INPP4B: variants seen among roughly 807,000 people sequenced by gnomAD.
INPP4B encodes inositol polyphosphate-4-phosphatase type II B.
A neutral mutation model predicts 122.5 loss-of-function variants in INPP4B; 55 were observed. That is an observed-to-expected ratio of 0.45 (90% CI 0.36 to 0.56). The LOEUF (loss-of-function observed/expected upper bound fraction) is 0.56, where lower values mean the gene tolerates loss of function less well. INPP4B is among the 20% of genes least tolerant of loss of function. The probability of loss-of-function intolerance (pLI) is 0.00; values close to 1 mark genes in which losing one functional copy is unlikely to be tolerated. For missense variants in INPP4B, 1,000 were observed against 1,097.7 expected (o/e 0.91, Z 1.26); for synonymous variants, 403 against 388.7 (o/e 1.04, Z -0.43).
chr4:142,607,719 GC>G (rs766634400), intron 2 of INPP4B, among the ~76,000 whole-genome samples: 1 of 151,978 alleles, frequency 6.6e-6, no homozygotes, highest in Non-Finnish European at 1.5e-5. Flanking sequence ...GTTTTACAGG[GC>G]AATTATAGAG....
chr4:142,644,287 G>A (rs1260078896), intron 2 of INPP4B, among the ~76,000 whole-genome samples: 1 of 150,424 alleles, frequency 6.6e-6, no homozygotes, highest in Admixed American at 6.7e-5. Flanking sequence ...TGGGGGAGGA[G>A]GAGAAGGAAG....
intron 18 of INPP4B, among the ~76,000 whole-genome samples, chr4:142,137,710 C>T (rs1264319086): frequency 1.4e-5 from 2 of 147,596 alleles, no homozygotes; most frequent in Non-Finnish European, 3.0e-5. Context: ...ACAACCCCAT[C>T]AAAAAGTGGG....
In INPP4B at chr4:142,071,828, A is replaced by C. The variant is rs189269471; in HGVS notation, c.2642+10203T>G. On this transcript the variant is annotated intron_variant, in intron 25 of 25. Transcript: ENST00000262992. The stretch of plus-strand genomic sequence containing the variant: ...GTTACAATGGCAATCATTAAAAAGT[A>C]AGGAAACAACAGTTGCTGGAGGGAA... Among the ~76,000 whole-genome samples, 153 of 152,230 alleles carry C rather than the reference A, an allele frequency of 1.0e-3. 1 individual carries two copies. The highest frequency in any genetic ancestry group is 3.5e-3 in the African/African-American group (146 of 41,564).
intron 2 of INPP4B, among the ~76,000 whole-genome samples, chr4:142,635,810 AT>A (rs1749025267): frequency 6.6e-6 from 1 of 152,120 alleles, no homozygotes; most frequent in Non-Finnish European, 1.5e-5. Context: ...CCCCCATGAC[AT>A]GACTTTACCT....
At chr4:142,792,617 G>C (rs1386428827) in intron 1 of INPP4B, among the ~76,000 whole-genome samples, 2 of 151,922 alleles carry the variant, frequency 1.3e-5, no homozygotes, top group African/African-American at 4.8e-5. Context: ...CATGTACTCA[G>C]AAAAAGTGAC....
At chr4:142,782,228 C>T (rs56261522) in intron 1 of INPP4B, among the ~76,000 whole-genome samples, 12,153 of 151,334 alleles carry the variant, frequency 0.08, 551 homozygotes, top group Middle Eastern at 0.13. Flanking sequence ...TGAGAACATG[C>T]GGTGTTTGGT....
At chr4:142,799,558 C>A (rs1411812026) in intron 1 of INPP4B, among the ~76,000 whole-genome samples, 1 of 151,660 alleles carries the variant, frequency 6.6e-6, no homozygotes, top group Admixed American at 6.6e-5. Context: ...TTAAGTAAAT[C>A]TTGAAGGATT....
At chr4:142,796,123 G>A (rs543482653) in intron 1 of INPP4B, among the ~76,000 whole-genome samples, 10 of 152,044 alleles carry the variant, frequency 6.6e-5, no homozygotes, top group Middle Eastern at 3.4e-3. Flanking sequence ...GATAATCATC[G>A]TTCTACATGC....
intron 1 of INPP4B, among the ~76,000 whole-genome samples, chr4:142,765,064 GC>G (rs531173340): frequency 4.7e-4 from 71 of 152,246 alleles, no homozygotes; most frequent in Non-Finnish European, 8.7e-4. Context: ...AGGAGATTAA[GC>G]CACAGTGAGG....
chr4:142,545,684 C>CACACATATATATGTGTATATATAT (rs1553955835), intron 2 of INPP4B, among the ~76,000 whole-genome samples: 7,097 of 143,134 alleles, frequency 0.05, 838 homozygotes, highest in African/African-American at 0.18. Context: ...AGATTTAATA[C>CACACATATATATGTGTATATATAT]ACACATATAT....
intron 2 of INPP4B, among the ~76,000 whole-genome samples, chr4:142,531,118 T>C (rs772537281): frequency 1.3e-5 from 2 of 151,972 alleles, no homozygotes; most frequent in Non-Finnish European, 2.9e-5. Context: ...ACTAGAGCTT[T>C]AAGGTAGGGG....
chr4:142,068,125 C>T lies in INPP4B; in HGVS notation c.2642+13906G>A, dbSNP rs867574847. Among the ~76,000 whole-genome samples, 13 of 152,228 alleles carry T rather than the reference C, an allele frequency of 8.5e-5. No homozygotes were observed. The South Asian group carries it at 1.0e-3, about 12-fold the overall frequency. ...AAAGGTAAGCCCATCAGACTAACAG[C>T]GGATCTCTCAGCAGAAACTCTACAA... On this transcript the variant is annotated intron_variant, in intron 25 of 25. Transcript: ENST00000262992.
intron 17 of INPP4B, among the ~76,000 whole-genome samples, chr4:142,151,001 CATT>C (rs1231024220): frequency 6.6e-6 from 1 of 152,140 alleles, no homozygotes; most frequent in African/African-American, 2.4e-5. Context: ...TCTCACTTGT[CATT>C]ATCAATTTCT....
intron 17 of INPP4B, among the ~76,000 whole-genome samples, chr4:142,153,316 C>A (rs541553021): frequency 1.3e-5 from 2 of 152,122 alleles, no homozygotes; most frequent in Non-Finnish European, 2.9e-5. Context: ...AGCCAACAGT[C>A]TACCTATATT....
At chr4:142,751,623 T>G (rs1769730975) in intron 1 of INPP4B, among the ~76,000 whole-genome samples, 1 of 152,062 alleles carries the variant, frequency 6.6e-6, no homozygotes, top group African/African-American at 2.4e-5. Context: ...TCTATTAATA[T>G]GCCATGCTCT....
intron 15 of INPP4B, among the ~76,000 whole-genome samples, chr4:142,175,303 T>C (rs1827609053): frequency 6.6e-6 from 1 of 152,204 alleles, no homozygotes; most frequent in African/African-American, 2.4e-5. Flanking sequence ...TGATCTGTTC[T>C]ATTCTTCTCA....
intron 1 of INPP4B, among the ~76,000 whole-genome samples, chr4:142,776,565 G>T (rs569528568): frequency 6.6e-6 from 1 of 152,120 alleles, no homozygotes; most frequent in Non-Finnish European, 1.5e-5. Context: ...CCAGATATAT[G>T]CAAGGAAGCT....
In INPP4B at chr4:142,625,088, C is replaced by A. The variant is rs376426111; in HGVS notation, c.-191+100751G>T. On this transcript the variant is annotated intron_variant, in intron 2 of 25. Transcript: ENST00000262992. The stretch of plus-strand genomic sequence containing the variant: ...AACTGGCACAAGACAGGGATGCCCT[C>A]TCTCACCACTCCTATTCAACATAGT... 2.6e-3 allele frequency among the ~76,000 whole-genome samples: 391 copies of A among 150,032 alleles called. 4 individuals carry two copies. Among genetic ancestry groups the A allele is most frequent in the East Asian group, 0.018 (91 of 5,100 alleles).
intron 9 of INPP4B, among the ~76,000 whole-genome samples, chr4:142,277,814 A>T (rs894966661): frequency 1.3e-5 from 2 of 151,940 alleles, no homozygotes; most frequent in African/African-American, 4.8e-5. Flanking sequence ...AGGAATGGAA[A>T]ACCAAACATC....
Sources: gnomAD v4.1 joint callset for allele counts (sites outside exome capture counted in the v4.1 genomes callset) on GRCh38, gnomAD v4.1.1 for gene constraint, MANE v1.5 for transcripts, NCBI Gene and HGNC (gene_info 2026-07-23, HGNC 2026-07-21) for gene names.